Variants in ARHGAP45 observed in about 807,000 individuals in gnomAD.
ARHGAP45 encodes rho GTPase-activating protein 45.
A neutral mutation model predicts 116.1 loss-of-function variants in ARHGAP45; 56 were observed. The observed-to-expected ratio is 0.48, with a 90% CI of 0.39 to 0.60. The LOEUF is 0.60. Ranked by LOEUF, ARHGAP45 falls within the 20% of genes least tolerant of loss-of-function variation. The probability of loss-of-function intolerance (pLI) is 0.00; values close to 1 mark genes in which losing one functional copy is unlikely to be tolerated. For synonymous variants in ARHGAP45, 866 were observed against 701.7 expected, an observed-to-expected ratio of 1.23 and a Z score of -3.70; for missense variants, 1,622 against 1,601.0, an observed-to-expected ratio of 1.01 and a Z score of -0.22.
Position 1,082,879 on chromosome 19 carries a change from C to A in ARHGAP45, c.2557C>A (p.Leu853Ile). 6.3e-7 allele frequency: 1 copy of A among 1,578,952 alleles called. No homozygotes were observed. Among genetic ancestry groups the A allele is most frequent in the Non-Finnish European group, 8.6e-7 (1 of 1,162,648 alleles). The change falls in exon 20 of 23, where the codon CTC becomes ATC. Residue 853 changes from leucine (L) to isoleucine (I), a missense_variant. Coordinates refer to ENST00000313093, the MANE Select transcript of ARHGAP45 (RefSeq NM_012292.5). Reference protein sequence around the residue: ...PLISFRLYHELVGLAKDSLKA... With the variant: ...PLISFRLYHEIVGLAKDSLKA... Reference sequence around the variant, plus strand: ...CATCTCCTTCCGCCTCTACCACGAGCTCGTAGGGCTGGCCAAGGACAGCCT... The same window carrying A: ...CATCTCCTTCCGCCTCTACCACGAGATCGTAGGGCTGGCCAAGGACAGCCT...
intron 21 of ARHGAP45, among the ~76,000 whole-genome samples, 180 bp downstream of exon 21, chr19:1,083,533 C>T (rs35646539): frequency 0.05 from 7,636 of 152,264 alleles, 281 homozygotes; most frequent in Non-Finnish European, 0.07. Flanking sequence ...TCAGCGAGGT[C>T]TGCATTGAAT....
At chr19:1,077,264 G>A (rs966123224) in intron 10 of ARHGAP45, 14 of 985,372 alleles carry the variant, frequency 1.4e-5, no homozygotes, top group South Asian at 9.4e-5. Context: ...AGAGGCTGCC[G>A]TGTGAGCCTC....
At position 1,079,765 on chromosome 19, in the gene ARHGAP45, G is replaced by T. The variant is rs768695525; in HGVS notation, c.1437G>T (p.Glu479Asp). 5 of 1,612,540 alleles carry T rather than the reference G, an allele frequency of 3.1e-6. No individual in the cohort carries two copies. Among genetic ancestry groups the T allele is most frequent in the Non-Finnish European group, 4.2e-6 (5 of 1,179,648 alleles). ...CVADAKTQKQ[E>D]LEDTKVTALR... The stretch of plus-strand genomic sequence containing the variant: ...CCGACGCGAAGACGCAGAAGCAGGA[G>T]CTGGAGGATACCAAGGTGACGGCGC... Residue 479 changes from glutamate (E) to aspartate (D), a missense_variant, in exon 12 of 23, where the codon GAG becomes GAT. Glu to Asp is a conservative substitution (Grantham distance 45). Around this residue, in one of 3 missense-constraint regions of ARHGAP45, gnomAD observed 1,334 missense variants for 1,263.8 expected, o/e 1.06. Coordinates refer to ENST00000313093, the MANE Select transcript of ARHGAP45 (RefSeq NM_012292.5).
At chr19:1,084,428 C>T in intron 22 of ARHGAP45, 82 bp downstream of exon 22, 6 of 1,069,006 alleles carry the variant, frequency 5.6e-6, no homozygotes, top group Non-Finnish European at 7.0e-6. Flanking sequence ...CCTAGTTGTA[C>T]ACACGTGGCA....
Position 1,068,245 on chromosome 19 carries a change from C to A in ARHGAP45, c.91-169C>A. On this transcript the variant is annotated intron_variant, in intron 1 of 22. Coordinates refer to ENST00000313093, the MANE Select transcript of ARHGAP45 (RefSeq NM_012292.5). This position sits in a 1 kb window ranked among gnomAD's most constrained non-coding sequence, Gnocchi z 7.5. Reference sequence around the variant, plus strand: ...CTCTAGGGAAGAGGATGTTGGGTAACAGGTGGGGGGGTACACTACCAAATC... The same window carrying A: ...CTCTAGGGAAGAGGATGTTGGGTAAAAGGTGGGGGGGTACACTACCAAATC... The A allele has an allele frequency of 1.7e-6, 1 of 590,968 alleles. No individual in the cohort carries two copies. Among genetic ancestry groups the A allele is most frequent in the Non-Finnish European group, 2.9e-6 (1 of 344,064 alleles). The allele number at this position is 590,968 out of a possible 1,614,324, so 36.6% of individuals were successfully genotyped here. A position where few individuals can be genotyped will look rare whatever the true frequency, so the allele number is the denominator to read the frequency against.
intron 11 of ARHGAP45, among the ~76,000 whole-genome samples, chr19:1,078,356 G>T (rs2043324932): frequency 6.6e-6 from 1 of 151,978 alleles, no homozygotes; most frequent in South Asian, 2.1e-4. Context: ...TGTTAGCCAG[G>T]ATGGTCTCGA....
intron 10 of ARHGAP45, 109 bp from the exon 11 acceptor site, chr19:1,077,748 T>C (rs1259941749): frequency 6.5e-6 from 10 of 1,534,918 alleles, no homozygotes; most frequent in South Asian, 4.8e-5. Context: ...AGCTGGGCCA[T>C]GGGGCCTTGC....
At chr19:1,073,788 AG>A (rs2043183260) in intron 5 of ARHGAP45, 42 bp downstream of exon 5, 1 of 1,554,608 alleles carries the variant, frequency 6.4e-7, no homozygotes, top group Non-Finnish European at 8.7e-7. Context: ...CAGCTTCTGG[AG>A]GCCAGCCGGG....
chr19:1,075,039 G>T (rs1255344139), intron 10 of ARHGAP45, among the ~76,000 whole-genome samples, 160 bp downstream of exon 10: 1 of 122,738 alleles, frequency 8.1e-6, no homozygotes, highest in Non-Finnish European at 1.8e-5. Flanking sequence ...CCCCCCCAAC[G>T]CCAAGCCGGG....
intron 10 of ARHGAP45, chr19:1,077,137 C>G (rs1366175479): frequency 3.0e-6 from 3 of 985,232 alleles, no homozygotes; most frequent in Non-Finnish European, 3.6e-6. Flanking sequence ...CTCTTCCTGC[C>G]AACCTGTGGG....
rs1431453098 is a variant in ARHGAP45, at chr19:1,069,306, G to A, written c.421+562G>A. Among the ~76,000 whole-genome samples the A allele has an allele frequency of 2.0e-5, 3 of 152,156 alleles. No individual in the cohort carries two copies. Among genetic ancestry groups the A allele is most frequent in the Non-Finnish European group, 2.9e-5 (2 of 68,018 alleles). ...CAGCGGCCTGCAGGCCGGCAGTTCC[G>A]TTTTCTCCTCCACGCGGCCGCTGAC... is the stretch of plus-strand genomic sequence containing the variant. On this transcript the variant is annotated intron_variant, in intron 2 of 22. Transcript: ENST00000313093. This position sits in a 1 kb window ranked among gnomAD's most constrained non-coding sequence, Gnocchi z 4.1.
At chr19:1,078,353 C>T (rs538317915) in intron 11 of ARHGAP45, among the ~76,000 whole-genome samples, 1 of 151,978 alleles carries the variant, frequency 6.6e-6, no homozygotes, top group Non-Finnish European at 1.5e-5. Flanking sequence ...CTGTGTTAGC[C>T]AGGATGGTCT....
upstream of ARHGAP45, chr19:1,066,267 G>A (rs2043029270): frequency 3.2e-6 from 2 of 623,018 alleles, no homozygotes; most frequent in South Asian, 2.5e-5. Context: ...GGGGGAGAGA[G>A]TTCACACTGC....
In ARHGAP45 at chr19:1,068,671, C is replaced by T. The variant is rs965523980; in HGVS notation, c.348C>T (p.Ile116=). The change falls in exon 2 of 23, where the codon ATC becomes ATT. Residue 116 remains isoleucine, a synonymous_variant. Coordinates refer to ENST00000313093, the MANE Select transcript of ARHGAP45 (RefSeq NM_012292.5). The surrounding 1 kb of genome is among the most constrained non-coding windows in gnomAD (Gnocchi z 7.5). The part of the protein sequence containing the change: ...EGAGPDVVED[I]SHLLADVARF... ...CCGGCCCGGACGTCGTCGAGGACAT[C>T]TCCCATCTGCTGGCGGACGTGGCCC... 2 of 1,612,680 alleles carry T rather than the reference C, an allele frequency of 1.2e-6. No individual in the cohort carries two copies. The highest frequency in any genetic ancestry group is 2.7e-5 in the African/African-American group (2 of 75,080).
rs529533520 is a variant in ARHGAP45 at position 1,069,638 on chromosome 19, G to A, written c.421+894G>A. Among the ~76,000 whole-genome samples, 1 of 152,182 alleles carries A rather than the reference G, an allele frequency of 6.6e-6. No homozygotes were observed. The highest frequency in any genetic ancestry group is 2.1e-4 in the South Asian group (1 of 4,828). On this transcript the variant is annotated intron_variant, in intron 2 of 22. Coordinates refer to ENST00000313093, the MANE Select transcript of ARHGAP45 (RefSeq NM_012292.5). The surrounding 1 kb of genome is among the most constrained non-coding windows in gnomAD (Gnocchi z 4.1). ...TTGGGGAAGGCCCGGTCCCCACTGG[G>A]AGGAGTGGGAGCCCCCGGGTTATCT...
At chr19:1,080,638 C>G in intron 15 of ARHGAP45, 44 bp from the exon 16 acceptor site, 3 of 1,595,628 alleles carry the variant, frequency 1.9e-6, no homozygotes, top group Middle Eastern at 1.7e-4. Context: ...ATGGAGGGGG[C>G]CCCCCTGGCT....
chr19:1,080,122 C>T lies in ARHGAP45; in HGVS notation c.1703+4C>T. On this transcript the variant is annotated splice_donor_region_variant and intron_variant, in intron 13 of 22. Transcript: ENST00000313093. ...CCCACGTCTCCGCCAACGCCTGGTA[C>T]CGCCACCCAGCTGCCCTGTCCCCGG... 6.2e-7 allele frequency: 1 copy of T among 1,611,300 alleles called. No individual in the cohort carries two copies. Among genetic ancestry groups the T allele is most frequent in the Non-Finnish European group, 8.5e-7 (1 of 1,179,170 alleles).
In ARHGAP45 at chr19:1,074,501, C is replaced by T. The variant is rs534098093; in HGVS notation, c.993+94C>T. The T allele has an allele frequency of 6.4e-5, 90 of 1,403,518 alleles. No individual in the cohort carries two copies. The African/African-American group carries it at 1.1e-3, about 16-fold the overall frequency. 86.9% of individuals were successfully genotyped at this position (1,403,518 alleles called of 1,614,324 possible). On this transcript the variant is annotated intron_variant, in intron 8 of 22. Transcript: ENST00000313093. Reference sequence around the variant, plus strand: ...GCCCAGGGACCAAGAGCAGGGGCTTCCCCTCTACATTAACGGGGGTGGCTG... The same window carrying T: ...GCCCAGGGACCAAGAGCAGGGGCTTTCCCTCTACATTAACGGGGGTGGCTG...
In ARHGAP45 at chr19:1,081,355, G is replaced by A; in HGVS notation, c.2191-195G>A. On this transcript the variant is annotated intron_variant, in intron 17 of 22. Transcript: ENST00000313093. ...TGGAGCTGTGTCCAGAAAACCAAGGGGCGGGAAGGAGAGGAGGCCACAGGG... is the reference window on the plus strand; with the variant it reads ...TGGAGCTGTGTCCAGAAAACCAAGGAGCGGGAAGGAGAGGAGGCCACAGGG... 8 of 664,150 alleles carry A rather than the reference G, an allele frequency of 1.2e-5. No individual in the cohort carries two copies. The South Asian group carries it at 1.7e-4, about 14-fold the overall frequency. 41.1% of individuals were successfully genotyped at this position (664,150 alleles called of 1,614,324 possible).
Sources: gnomAD v4.1 joint callset for allele counts (sites outside exome capture counted in the v4.1 genomes callset) on GRCh38, gnomAD v4.1.1 for gene constraint, gnomAD v4.1.1 regional missense constraint, Gnocchi (gnomAD v3.1) non-coding constraint, MANE v1.5 for transcripts, NCBI Gene and HGNC (gene_info 2026-07-23, HGNC 2026-07-21) for gene names.